The following GNB1 variants were observed in gnomAD, a reference collection of about 807,000 sequenced individuals.
The protein encoded by GNB1 is G protein subunit beta 1.
Under a neutral mutation model 42.9 loss-of-function variants are expected in GNB1, and 2 were observed. The observed-to-expected ratio is 0.05, with a 90% CI of 0.02 to 0.15. The LOEUF (loss-of-function observed/expected upper bound fraction) is 0.15. Among genes scored for constraint, GNB1 ranks in the 10% least tolerant of loss-of-function variants. The pLI, the probability that GNB1 is intolerant of heterozygous loss-of-function variation, is 1.00. For synonymous variants in GNB1, 183 were observed against 174.7 expected (o/e 1.05, Z -0.38); for missense variants, 193 against 462.2 (o/e 0.42, Z 5.34).
intron 1 of GNB1, among the ~76,000 whole-genome samples, chr1:1,843,707 T>C (rs1375080617): frequency 6.6e-6 from 1 of 152,110 alleles, no homozygotes; most frequent in East Asian, 1.9e-4. Context: ...ATCCAGCTCA[T>C]AGAACCCCAC....
intron 1 of GNB1, among the ~76,000 whole-genome samples, chr1:1,856,974 G>A (rs930654207): frequency 1.1e-4 from 17 of 152,216 alleles, no homozygotes; most frequent in Admixed American, 7.2e-4. Flanking sequence ...GGTATATGGA[G>A]AGCATACTCT....
intron 1 of GNB1, among the ~76,000 whole-genome samples, chr1:1,859,285 G>C (rs1315615987): frequency 6.6e-6 from 1 of 152,170 alleles, no homozygotes; most frequent in Non-Finnish European, 1.5e-5. Flanking sequence ...GCCTCCGAAA[G>C]TGCTGGGCTT....
chr1:1,815,003 T>C (rs1308297963), intron 5 of GNB1, among the ~76,000 whole-genome samples: 1 of 149,482 alleles, frequency 6.7e-6, no homozygotes, highest in Non-Finnish European at 1.5e-5. Flanking sequence ...TCCCAGCTAC[T>C]AGGGAGGGTG....
chr1:1,857,337 TGTG>T (rs1648361817), intron 1 of GNB1, among the ~76,000 whole-genome samples: 1 of 152,156 alleles, frequency 6.6e-6, no homozygotes, highest in Admixed American at 6.6e-5. Context: ...CTCCTTCCAG[TGTG>T]CTTTCTCTGC....
chr1:1,789,383 A>G, intron 9 of GNB1, 114 bp from the exon 10 acceptor site: 1 of 676,134 alleles, frequency 1.5e-6, no homozygotes, highest in South Asian at 1.7e-5. Context: ...GACCAGCAAG[A>G]CTGTGCTCTG....
chr1:1,786,287 A>G lies in GNB1; in HGVS notation c.*776T>C, dbSNP rs987057463. On this transcript the variant is annotated 3_prime_UTR_variant, in exon 12 of 12. Transcript: ENST00000378609. ...TGAGATTAAAAACTCAACTGAGAAG[A>G]TAGACAGGATGGGTCAGGAGGAACA... 5.2e-6 allele frequency: 2 copies of G among 382,052 alleles called. No homozygotes were observed. The allele number at this position is 382,052 out of a possible 1,614,324, so 23.7% of individuals were successfully genotyped here.
intron 2 of GNB1, among the ~76,000 whole-genome samples, chr1:1,829,510 G>A (rs941891865): frequency 3.3e-5 from 5 of 152,166 alleles, no homozygotes; most frequent in South Asian, 2.1e-4. Context: ...CAGGAGAGAC[G>A]AGAAAACGTG....
At chr1:1,794,573 C>T (rs550775377) in intron 7 of GNB1, among the ~76,000 whole-genome samples, 3 of 152,090 alleles carry the variant, frequency 2.0e-5, no homozygotes, top group South Asian at 2.1e-4. Context: ...GGGAGTCATG[C>T]GACACTGCGT....
intron 1 of GNB1, among the ~76,000 whole-genome samples, chr1:1,890,213 G>A (rs2101985967): frequency 6.6e-6 from 1 of 152,274 alleles, no homozygotes; most frequent in African/African-American, 2.4e-5. Flanking sequence ...CAGCGAAAAG[G>A]GCCGAAACCG....
At chr1:1,788,732 T>C in intron 10 of GNB1, 1 of 287,434 alleles carries the variant, frequency 3.5e-6, no homozygotes. Context: ...TGTCCCTGCA[T>C]GGAACTCCTC....
chr1:1,832,102 C>T (rs1157977612), intron 2 of GNB1: 5 of 150,716 alleles, frequency 3.3e-5, no homozygotes, highest in African/African-American at 1.2e-4. Context: ...GAAAAATATA[C>T]TCACTTTAAA....
At chr1:1,821,235 C>A (rs1390642848) in intron 3 of GNB1, among the ~76,000 whole-genome samples, 1 of 152,188 alleles carries the variant, frequency 6.6e-6, no homozygotes, top group African/African-American at 2.4e-5. Flanking sequence ...GACCCTGCTC[C>A]CTTGCACTGG....
chr1:1,890,172 G>A (rs1650402319), intron 1 of GNB1, among the ~76,000 whole-genome samples: 1 of 152,258 alleles, frequency 6.6e-6, no homozygotes, highest in East Asian at 1.9e-4. Context: ...GAAGGGCGAG[G>A]CCACAGCGCG....
intron 7 of GNB1, among the ~76,000 whole-genome samples, chr1:1,804,082 A>G (rs1646663392): frequency 6.7e-6 from 1 of 148,814 alleles, no homozygotes; most frequent in Non-Finnish European, 1.5e-5. Context: ...TCACGAGGTT[A>G]GGAGATCGAG....
chr1:1,881,553 G>A (rs770954072), intron 1 of GNB1, among the ~76,000 whole-genome samples: 12 of 151,844 alleles, frequency 7.9e-5, no homozygotes, highest in African/African-American at 1.2e-4. Flanking sequence ...ACAGGTGTGC[G>A]CCACCAAGCC....
At chr1:1,793,206 G>A in intron 8 of GNB1, 39 bp downstream of exon 8, 3 of 1,334,868 alleles carry the variant, frequency 2.2e-6, no homozygotes, top group Non-Finnish European at 2.2e-6. Flanking sequence ...AGGGGCTGTG[G>A]GTTCTCAAGG....
At chr1:1,853,281 G>A (rs1349163546) in intron 1 of GNB1, among the ~76,000 whole-genome samples, 1 of 152,192 alleles carries the variant, frequency 6.6e-6, no homozygotes, top group Non-Finnish European at 1.5e-5. Flanking sequence ...CCGCTCAGAA[G>A]TCTTCAAATA....
intron 3 of GNB1, chr1:1,818,153 G>A: frequency 3.4e-6 from 1 of 297,926 alleles, no homozygotes. Flanking sequence ...CAGCACCGAG[G>A]AGACCACACT....
chr1:1,799,881 A>T (rs1276520053), intron 7 of GNB1, among the ~76,000 whole-genome samples: 1 of 152,226 alleles, frequency 6.6e-6, no homozygotes, highest in Non-Finnish European at 1.5e-5. Flanking sequence ...GATAACAACT[A>T]CAAAGAAGAA....
Sources: gnomAD v4.1 joint callset for allele counts (sites outside exome capture counted in the v4.1 genomes callset) on GRCh38, gnomAD v4.1.1 for gene constraint, MANE v1.5 for transcripts, NCBI Gene and HGNC (gene_info 2026-07-23, HGNC 2026-07-21) for gene names.